BCAS3: variants seen among roughly 807,000 people sequenced by gnomAD.
The protein encoded by BCAS3 is BCAS4/BCAS3 fusion.
BCAS3 carries 53 observed loss-of-function variants against 116.1 expected under a neutral mutation model. The ratio of observed to expected loss-of-function variants is 0.46; its 90% CI spans 0.37 to 0.57. BCAS3 has a LOEUF of 0.57. Among genes scored for constraint, BCAS3 ranks in the 20% least tolerant of loss-of-function variants. BCAS3 has a pLI of 0.00. For missense variants in BCAS3, 917 were observed against 1,165.4 expected (o/e 0.79, Z 3.10); for synonymous variants, 391 against 408.2 (o/e 0.96, Z 0.51).
intron 22 of BCAS3, among the ~76,000 whole-genome samples, chr17:61,159,974 A>G (rs539134455): frequency 6.9e-6 from 1 of 145,718 alleles, no homozygotes; most frequent in Non-Finnish European, 1.5e-5. Context: ...AAAAGAAAAA[A>G]TATGTGGTTG....
chr17:61,003,457 T>G (rs1273972089), intron 15 of BCAS3, among the ~76,000 whole-genome samples: 2 of 141,762 alleles, frequency 1.4e-5, no homozygotes, highest in African/African-American at 2.6e-5. Flanking sequence ...CTTGTCTCCC[T>G]TTCTTTGCCT....
intron 19 of BCAS3, among the ~76,000 whole-genome samples, chr17:61,066,503 A>G (rs1310792774): frequency 2.6e-5 from 4 of 152,190 alleles, no homozygotes; most frequent in Non-Finnish European, 5.9e-5. Context: ...TTACAAAGAA[A>G]TATTTAAATC....
chr17:61,086,266 T>C (rs187778181), intron 22 of BCAS3, among the ~76,000 whole-genome samples: 1 of 152,258 alleles, frequency 6.6e-6, no homozygotes, highest in Admixed American at 6.5e-5. Flanking sequence ...CTAGTTTTTG[T>C]ATTTTTAGTA....
At chr17:60,771,160 C>T (rs954643278) in intron 6 of BCAS3, among the ~76,000 whole-genome samples, 1 of 152,086 alleles carries the variant, frequency 6.6e-6, no homozygotes, top group Non-Finnish European at 1.5e-5. Flanking sequence ...CTCATGGTCT[C>T]CCAGTATATG....
At chr17:60,704,204 C>T (rs939359292) in intron 4 of BCAS3, among the ~76,000 whole-genome samples, 2 of 152,034 alleles carry the variant, frequency 1.3e-5, no homozygotes, top group Non-Finnish European at 1.5e-5. Flanking sequence ...TCTGCCTGAA[C>T]GAGTTTTTTA....
At chr17:61,386,796 G>GTTTTTTTTTTT (rs57275173) in intron 23 of BCAS3, among the ~76,000 whole-genome samples, 2 of 113,840 alleles carry the variant, frequency 1.8e-5, no homozygotes, top group Non-Finnish European at 3.9e-5. Context: ...TTTGTTTTTT[G>GTTTTTTTTTTT]TTTTTTTTTT....
In BCAS3 at chr17:61,161,245, C is replaced by A. The variant is rs1350219855; in HGVS notation, c.2425+76681C>A. 6.6e-6 allele frequency among the ~76,000 whole-genome samples: 1 copy of A among 152,178 alleles called. No homozygotes were observed. The highest frequency in any genetic ancestry group is 1.5e-5 in the Non-Finnish European group (1 of 68,030). ...AGTAATATGAAACATTTTGGTTTGG[C>A]TGCCAAGTACATCCACATTTTGTTA... On this transcript the variant is annotated intron_variant, in intron 22 of 23. Coordinates refer to ENST00000407086, the MANE Select transcript of BCAS3 (RefSeq NM_017679.5). This position sits in a 1 kb window ranked among gnomAD's most constrained non-coding sequence, Gnocchi z 4.8.
At chr17:60,761,214 A>G (rs745804181) in intron 6 of BCAS3, among the ~76,000 whole-genome samples, 12 of 151,844 alleles carry the variant, frequency 7.9e-5, no homozygotes, top group Non-Finnish European at 1.8e-4. Context: ...GGATTTTATG[A>G]ATTTTTTTAT....
chr17:60,830,207 T>C (rs1164044538), intron 7 of BCAS3, among the ~76,000 whole-genome samples: 2 of 152,196 alleles, frequency 1.3e-5, no homozygotes, highest in Non-Finnish European at 2.9e-5. Flanking sequence ...GCCAGGCTGG[T>C]GTTAAACTCC....
chr17:60,915,313 A>T (rs2058722820), intron 12 of BCAS3, among the ~76,000 whole-genome samples: 1 of 152,194 alleles, frequency 6.6e-6, no homozygotes, highest in Admixed American at 6.5e-5. Context: ...ACTAGGCTAC[A>T]GGTCTTAATC....
At chr17:60,935,284 T>C (rs1275663166) in intron 13 of BCAS3, among the ~76,000 whole-genome samples, 1 of 152,186 alleles carries the variant, frequency 6.6e-6, no homozygotes, top group Non-Finnish European at 1.5e-5. Context: ...ATAAATGTGA[T>C]GTTAATATAG....
rs1159624841 is a variant in BCAS3 at position 61,365,433 on chromosome 17, A to C, written c.2426-2894A>C. On this transcript the variant is annotated intron_variant, in intron 22 of 23. Coordinates refer to ENST00000407086, the MANE Select transcript of BCAS3 (RefSeq NM_017679.5). The surrounding 1 kb of genome is among the most constrained non-coding windows in gnomAD (Gnocchi z 4.6). ...ACTGCAACCTCTGCCTCCCAGGTTC[A>C]AATGATTCTCCTGCCTCAGCCTCTC... 6.6e-6 allele frequency among the ~76,000 whole-genome samples: 1 copy of C among 152,138 alleles called. No homozygotes were observed. Among genetic ancestry groups the C allele is most frequent in the Non-Finnish European group, 1.5e-5 (1 of 68,028 alleles).
intron 13 of BCAS3, among the ~76,000 whole-genome samples, chr17:60,937,614 C>G (rs1485558774): frequency 6.6e-6 from 1 of 152,140 alleles, no homozygotes; most frequent in Non-Finnish European, 1.5e-5. Context: ...TTAGAAATTC[C>G]TACATTTCCA....
chr17:61,043,124 GGA>G (rs1160422268), intron 19 of BCAS3, among the ~76,000 whole-genome samples: 1 of 151,674 alleles, frequency 6.6e-6, no homozygotes, highest in Non-Finnish European at 1.5e-5. Context: ...TAGCACTTTG[GGA>G]GACCGAGGTA....
At chr17:61,111,461 C>T (rs1269886189) in intron 22 of BCAS3, among the ~76,000 whole-genome samples, 10 of 151,318 alleles carry the variant, frequency 6.6e-5, no homozygotes, top group Admixed American at 2.6e-4. Context: ...GGAGCCAATG[C>T]GATCAACTGG....
intron 22 of BCAS3, among the ~76,000 whole-genome samples, chr17:61,102,186 C>T (rs773345748): frequency 6.6e-6 from 1 of 152,000 alleles, no homozygotes; most frequent in Admixed American, 6.6e-5. Flanking sequence ...TGAAAATTAA[C>T]GTAAGCTGAT....
At chr17:61,345,274 TG>T (rs1430806680) in intron 22 of BCAS3, among the ~76,000 whole-genome samples, 1 of 152,244 alleles carries the variant, frequency 6.6e-6, no homozygotes, top group East Asian at 1.9e-4. Context: ...ACTGGCTGGC[TG>T]GGCGATTCTT....
In BCAS3 at chr17:61,198,255, C is replaced by G. The variant is rs1014825562; in HGVS notation, c.2425+113691C>G. Among the ~76,000 whole-genome samples, 2 of 151,924 alleles carry G rather than the reference C, an allele frequency of 1.3e-5. No homozygotes were observed. Among genetic ancestry groups the G allele is most frequent in the Admixed American group, 6.6e-5 (1 of 15,250 alleles). ...TCCCAGGTTCATGCCATTCTCCTGCCTCAGCCTCCCAAGTAGCTGGGACTA... is the reference window on the plus strand; with the variant it reads ...TCCCAGGTTCATGCCATTCTCCTGCGTCAGCCTCCCAAGTAGCTGGGACTA... On this transcript the variant is annotated intron_variant, in intron 22 of 23. Transcript: ENST00000407086. The surrounding 1 kb of genome is among the most constrained non-coding windows in gnomAD (Gnocchi z 5.0).
chr17:61,325,967 C>T lies in BCAS3; in HGVS notation c.2426-42360C>T, dbSNP rs112077629. On this transcript the variant is annotated intron_variant, in intron 22 of 23. Transcript: ENST00000407086. The surrounding 1 kb of genome is among the most constrained non-coding windows in gnomAD (Gnocchi z 6.4). ...CTCGGCAGAGAACAGAGTGAAAAAT[C>T]GTGTTGTCATACATTACTAAGCACC... is the stretch of plus-strand genomic sequence containing the variant. Among the ~76,000 whole-genome samples, 433 of 152,252 alleles carry T rather than the reference C, an allele frequency of 2.8e-3. 2 individuals carry two copies. The highest frequency in any genetic ancestry group is 9.5e-3 in the African/African-American group (394 of 41,552).
Sources: gnomAD v4.1 joint callset for allele counts (sites outside exome capture counted in the v4.1 genomes callset) on GRCh38, gnomAD v4.1.1 for gene constraint, Gnocchi (gnomAD v3.1) non-coding constraint, MANE v1.5 for transcripts, NCBI Gene and HGNC (gene_info 2026-07-23, HGNC 2026-07-21) for gene names.